AFM: variants seen among roughly 807,000 people sequenced by gnomAD.
AFM encodes alpha-Alb.
AFM carries 82 observed loss-of-function variants against 68.7 expected under a neutral mutation model. That is an observed-to-expected ratio of 1.19 (90% CI 1.00 to 1.43). The LOEUF is 1.43. Among genes scored for constraint, AFM ranks in the 40% most tolerant of loss-of-function variants. The pLI is 0.00. For synonymous variants in AFM, 250 were observed against 234.2 expected (o/e 1.07, Z -0.61); for missense variants, 772 against 701.8 (o/e 1.10, Z -1.13).
chr4:73,499,043 C>T lies in AFM; in HGVS notation c.1290-71C>T, dbSNP rs1721339812. 2.0e-6 allele frequency: 3 copies of T among 1,537,880 alleles called. No homozygotes were observed. The Admixed American group carries it at 5.4e-5, about 28-fold the overall frequency. On this transcript the variant is annotated intron_variant, in intron 10 of 14. Coordinates refer to ENST00000226355, the MANE Select transcript of AFM (RefSeq NM_001133.2). Reference sequence around the variant, plus strand: ...TGTCGCTAGCCTTGAAGGGTCTGGGCTTCAGCAGTAATTCAAGGGAAAATG... The same window carrying T: ...TGTCGCTAGCCTTGAAGGGTCTGGGTTTCAGCAGTAATTCAAGGGAAAATG...
At chr4:73,494,380 A>T (rs1049674933) in intron 8 of AFM, among the ~76,000 whole-genome samples, 1 of 151,800 alleles carries the variant, frequency 6.6e-6, no homozygotes, top group Non-Finnish European at 1.5e-5. Flanking sequence ...CTTATTGTGA[A>T]TGAATAGATG....
At chr4:73,497,819 A>G in intron 10 of AFM, 70 bp downstream of exon 10, 1 of 1,036,310 alleles carries the variant, frequency 9.6e-7, no homozygotes, top group Non-Finnish European at 1.4e-6. Flanking sequence ...GAAGCGTAAA[A>G]AAGTTAGCTG....
At chr4:73,501,999 C>CAGAGAGGAAGCAG in intron 13 of AFM, 80 bp downstream of exon 13, 3 of 1,481,964 alleles carry the variant, frequency 2.0e-6, no homozygotes, top group Non-Finnish European at 2.7e-6. Context: ...CAGGACACTG[C>CAGAGAGGAAGCAG]TTCCTCTCTG....
intron 3 of AFM, 127 bp from the exon 4 acceptor site, chr4:73,485,735 G>A (rs1292837887): frequency 5.8e-6 from 4 of 687,114 alleles, no homozygotes; most frequent in Non-Finnish European, 9.9e-6. Context: ...GGGAAGGAGA[G>A]GAGTAGGAGA....
intron 10 of AFM, 97 bp downstream of exon 10, chr4:73,497,846 T>C (rs1721300744): frequency 3.0e-6 from 2 of 677,592 alleles, no homozygotes; most frequent in Non-Finnish European, 4.7e-6. Context: ...TTTTCAGTTA[T>C]GGCCGATTCA....
In AFM at chr4:73,484,288, G is replaced by A. The variant is rs999043285; in HGVS notation, c.168G>A (p.Gln56=). ...ITIIAFAQYV[Q]EATFEEMEKL... ...TCATTGCATTTGCTCAGTATGTTCA[G>A]GAAGCAACCTTTGAAGAAATGGAAA... Residue 56 remains glutamine (Q), a synonymous_variant, in exon 3 of 15, where the codon CAG becomes CAA. Coordinates refer to ENST00000226355, the MANE Select transcript of AFM (RefSeq NM_001133.2). 1.9e-6 allele frequency: 3 copies of A among 1,613,306 alleles called. No homozygotes were observed. In the African/African-American group the frequency reaches 4.0e-5, roughly 22 times the overall value.
intron 12 of AFM, 150 bp downstream of exon 12, chr4:73,500,377 C>A: frequency 1.4e-6 from 1 of 696,158 alleles, no homozygotes. Flanking sequence ...TGGAAAAATA[C>A]AAGTGCATAT....
chr4:73,484,303 A>C lies in AFM; in HGVS notation c.183A>C (p.Glu61Asp). Residue 61 changes from glutamate (E) to aspartate (D), a missense_variant, in exon 3 of 15, where the codon GAA becomes GAC. By Grantham distance (45) the Glu-to-Asp change is conservative. Transcript: ENST00000226355. ...AGTATGTTCAGGAAGCAACCTTTGAAGAAATGGAAAAGCTGGTGAAAGACA... is the reference window on the plus strand; with the variant it reads ...AGTATGTTCAGGAAGCAACCTTTGACGAAATGGAAAAGCTGGTGAAAGACA... ...FAQYVQEATF[E>D]EMEKLVKDMV... 1 of 1,613,652 alleles carries C rather than the reference A, an allele frequency of 6.2e-7. No individual in the cohort carries two copies. Among genetic ancestry groups the C allele is most frequent in the Non-Finnish European group, 8.5e-7 (1 of 1,179,820 alleles).
chr4:73,499,252 C>T lies in AFM; in HGVS notation c.1422+6C>T, dbSNP rs751335711. The T allele has an allele frequency of 8.8e-6, 14 of 1,597,774 alleles. No homozygotes were observed. In the East Asian group the frequency reaches 3.2e-4, roughly 36 times the overall value. ...TTGCCTGTGTTGATAATTTGGTGAG[C>T]ATGGCCTGTGTACCAGACTACTCTT... On this transcript the variant is annotated splice_donor_region_variant and intron_variant, in intron 11 of 14. Transcript: ENST00000226355.
chr4:73,484,431 T>C, intron 3 of AFM, 41 bp downstream of exon 3: 1 of 1,280,646 alleles, frequency 7.8e-7, no homozygotes, highest in Non-Finnish European at 1.0e-6. Context: ...TTATCTTATG[T>C]CTTTCTTTCT....
At position 73,490,167 on chromosome 4, in the gene AFM, A is replaced by C. The variant is rs1257757454; in HGVS notation, c.843+1408A>C. Among the ~76,000 whole-genome samples the C allele has an allele frequency of 2.6e-5, 4 of 151,232 alleles. No homozygotes were observed. In the East Asian group the frequency reaches 7.7e-4, roughly 29 times the overall value. On this transcript the variant is annotated intron_variant, in intron 7 of 14. Transcript: ENST00000226355. ...GAGCTATAATCCCAACACCCTCAGC[A>C]ACAGAATGAAACCTTATTTCAAAAA...
Position 73,483,989 on chromosome 4 carries a change from T to G in AFM, c.137T>G (p.Ile46Ser). ...TTTATAGAAGATAATATTGAATACA[T>G]GTGAGTTGTGCTAAATACTTTTTGA... ...QKFIEDNIEY[I>S]TIIAFAQYVQ... Residue 46 changes from isoleucine (I) to serine (S), a missense_variant and splice_region_variant, in exon 2 of 15, where the codon ATC becomes AGC. Ile to Ser is a moderately radical substitution (Grantham distance 142). Coordinates refer to ENST00000226355, the MANE Select transcript of AFM (RefSeq NM_001133.2). 1 of 1,522,650 alleles carries G rather than the reference T, an allele frequency of 6.6e-7. No individual in the cohort carries two copies. Among genetic ancestry groups the G allele is most frequent in the Non-Finnish European group, 9.0e-7 (1 of 1,113,050 alleles). The allele number at this position is 1,522,650 out of a possible 1,614,324, so 94.3% of individuals were successfully genotyped here. A position where few individuals can be genotyped will look rare whatever the true frequency, so the allele number is the denominator to read the frequency against.
At chr4:73,500,306 G>T in intron 12 of AFM, 79 bp downstream of exon 12, 1 of 1,238,002 alleles carries the variant, frequency 8.1e-7, no homozygotes. Context: ...TTATCTAGTG[G>T]ATATGTCTTT....
rs1720886804 is a variant in AFM at position 73,485,884 on chromosome 4, T to A, written c.293T>A (p.Ile98Lys). ...TAGAATAATGTTTTACAGGAAAAAA[T>A]ATGTGCTATGGAGGGGCTGCCACAA... ...KLPNNVLQEKICAMEGLPQKH... is the reference protein window; with the variant it reads ...KLPNNVLQEKKCAMEGLPQKH... The change falls in exon 4 of 15, where the codon ATA (isoleucine) becomes AAA (lysine). Residue 98 changes from isoleucine to lysine, a missense_variant. By Grantham distance (102) the Ile-to-Lys change is moderately radical. Coordinates refer to ENST00000226355, the MANE Select transcript of AFM (RefSeq NM_001133.2). 6.2e-7 allele frequency: 1 copy of A among 1,613,734 alleles called. No homozygotes were observed. The highest frequency in any genetic ancestry group is 1.3e-5 in the African/African-American group (1 of 74,868).
At chr4:73,503,701 G>A (rs1404917720) in intron 14 of AFM, among the ~76,000 whole-genome samples, 175 bp from the exon 15 acceptor site, 1 of 152,132 alleles carries the variant, frequency 6.6e-6, no homozygotes, top group Non-Finnish European at 1.5e-5. Context: ...AGATATAGGA[G>A]TTATATACAG....
rs200217891 is a variant in AFM at position 73,485,867 on chromosome 4, T to C, written c.276T>C (p.Asn92=). 10 of 1,613,294 alleles carry C rather than the reference T, an allele frequency of 6.2e-6. No homozygotes were observed. Among genetic ancestry groups the C allele is most frequent in the African/African-American group, 1.3e-5 (1 of 74,864 alleles). The change falls in exon 4 of 15, where the codon AAT becomes AAC. Residue 92 remains asparagine (N), a synonymous_variant. Transcript: ENST00000226355. ...TTTTCTTCTCTGTTGTATAGAATAA[T>C]GTTTTACAGGAAAAAATATGTGCTA... ...TLPECSKLPN[N]VLQEKICAME... is the part of the protein sequence containing the mutation.
intron 13 of AFM, among the ~76,000 whole-genome samples, chr4:73,502,751 A>G (rs894404471): frequency 3.9e-5 from 6 of 152,160 alleles, no homozygotes; most frequent in Admixed American, 2.0e-4. Context: ...TGGGGTACAT[A>G]TTACTAGTTT....
rs933104093 is a variant in AFM, at chr4:73,491,749, G to A, written c.844-123G>A. The A allele has an allele frequency of 5.9e-6, 5 of 846,938 alleles. No individual in the cohort carries two copies. The Admixed American group carries it at 8.0e-5, about 14-fold the overall frequency. 52.5% of individuals were successfully genotyped at this position (846,938 alleles called of 1,614,324 possible). On this transcript the variant is annotated intron_variant, in intron 7 of 14. Coordinates refer to ENST00000226355, the MANE Select transcript of AFM (RefSeq NM_001133.2). ...ATTTAATTCAAACAAATATTATCTAGCAAATTAATTGATGAAGTGATTCCA... is the reference window on the plus strand; with the variant it reads ...ATTTAATTCAAACAAATATTATCTAACAAATTAATTGATGAAGTGATTCCA...
chr4:73,489,807 G>A (rs888583374), intron 7 of AFM, among the ~76,000 whole-genome samples: 4 of 152,172 alleles, frequency 2.6e-5, no homozygotes, highest in Non-Finnish European at 5.9e-5. Context: ...AACAACACAG[G>A]CCAGGGCCTG....
Sources: allele counts gnomAD v4.1 joint callset (sites outside exome capture counted in the v4.1 genomes callset), GRCh38; gene constraint gnomAD v4.1.1; transcripts MANE v1.5; gene names NCBI Gene and HGNC (gene_info 2026-07-23, HGNC 2026-07-21).